Variants in TENM1 observed in about 807,000 individuals in gnomAD.
TENM1 encodes teneurin-1.
A neutral mutation model predicts 174.8 loss-of-function variants in TENM1; 35 were observed. The observed-to-expected ratio is 0.20, with a 90% CI of 0.15 to 0.27. The LOEUF is 0.27. Among genes scored for constraint, TENM1 ranks in the 10% least tolerant of loss-of-function variants. The probability of loss-of-function intolerance (pLI) is 1.00; values close to 1 mark genes in which losing one functional copy is unlikely to be tolerated. For missense variants in TENM1, 1,633 were observed against 2,130.1 expected, an observed-to-expected ratio of 0.77 and a Z score of 4.59; for synonymous variants, 781 against 798.7, an observed-to-expected ratio of 0.98 and a Z score of 0.37.
At chrX:125,024,973 T>C in the TENM1 span, among the ~76,000 whole-genome samples, 1 of 111,371 alleles carries the variant, frequency 9.0e-6, no homozygotes, top group African/African-American at 3.3e-5. Context: ...TATGGTTCAC[T>C]GTTACTTGAA....
chrX:124,993,950 CATCAGCAATAACAGTAACTTCTACTCAA>C, the TENM1 span, among the ~76,000 whole-genome samples: 1 of 110,309 alleles, frequency 9.1e-6, no homozygotes, highest in Admixed American at 9.7e-5. Flanking sequence ...CAGGAGGCAA[CATCAGCAATAACAGTAACTTCTACTCAA>C]ATAGTAAGTG....
chrX:125,053,306 G>A, the TENM1 span, among the ~76,000 whole-genome samples: 1 of 111,333 alleles, frequency 9.0e-6, no homozygotes, highest in Non-Finnish European at 1.9e-5. Flanking sequence ...TGCTTTTCTA[G>A]GTGTATTTGA....
intron 6 of TENM1, among the ~76,000 whole-genome samples, chrX:124,670,743 T>C (rs2051900147): frequency 9.1e-6 from 1 of 109,459 alleles, no homozygotes; most frequent in South Asian, 3.9e-4. Flanking sequence ...AAGGGAAGAG[T>C]AGTAACCCAA....
chrX:124,786,348 TTATA>T lies in TENM1; in HGVS notation c.536-49155_536-49152del, dbSNP rs772712405. Among the ~76,000 whole-genome samples, 21 of 111,720 alleles carry T rather than the reference TTATA, an allele frequency of 1.9e-4. No individual in the cohort carries two copies. The East Asian group carries it at 5.6e-3, about 30-fold the overall frequency. On this transcript the variant is annotated intron_variant, in intron 3 of 31. Coordinates refer to ENST00000422452, the Ensembl canonical transcript of TENM1. ...TATAAATAACTGGTGCTCTGTTAAA[TTATA>T]TTTTGACTACATGATTTAAAATAAA...
intron 23 of TENM1, among the ~76,000 whole-genome samples, chrX:124,451,340 G>A (rs1188018172): frequency 2.7e-5 from 3 of 110,842 alleles, no homozygotes; most frequent in Non-Finnish European, 5.7e-5. Context: ...TCTCAGAGGG[G>A]ATGTTGCTTT....
intron 1 of TENM1, among the ~76,000 whole-genome samples, chrX:124,953,144 G>C (rs1384623219): frequency 8.9e-6 from 1 of 111,903 alleles, no homozygotes; most frequent in Admixed American, 9.5e-5. Context: ...AGGACATGTT[G>C]GCATACCTCA....
At chrX:124,382,766 T>C in exon 31 of TENM1, 1 of 1,204,723 alleles carries the variant, frequency 8.3e-7, no homozygotes, top group Admixed American at 2.2e-5. Context: ...ATCCAGGTAG[T>C]ACATTGTGTA....
rs763370261 is a variant in TENM1, at chrX:124,805,820, T to TA, written c.536-68624dup. Among the ~76,000 whole-genome samples, 9 of 112,960 alleles carry TA rather than the reference T, an allele frequency of 8.0e-5. No individual in the cohort carries two copies. The South Asian group carries it at 2.2e-3, about 27-fold the overall frequency. On this transcript the variant is annotated intron_variant, in intron 3 of 31. Coordinates refer to ENST00000422452, the Ensembl canonical transcript of TENM1. ...GGAGTCTCCGGAAGGGCTTATTATT[T>TA]AAAAGCATTCCCAGGCAAAGCCAAT...
intron 3 of TENM1, among the ~76,000 whole-genome samples, chrX:124,756,949 C>A (rs1176547047): frequency 1.8e-5 from 2 of 112,125 alleles, no homozygotes; most frequent in Non-Finnish European, 3.8e-5. Context: ...GGGTCAGGGA[C>A]CCACTTGAGG....
At chrX:124,940,865 C>G (rs1003341381) in intron 1 of TENM1, among the ~76,000 whole-genome samples, 2 of 111,662 alleles carry the variant, frequency 1.8e-5, no homozygotes, top group East Asian at 2.8e-4. Context: ...TACTACCTCT[C>G]TTTTCTATCA....
chrX:125,139,339 T>A, the TENM1 span, among the ~76,000 whole-genome samples: 1 of 110,436 alleles, frequency 9.1e-6, no homozygotes, highest in Non-Finnish European at 1.9e-5. Context: ...ATCCGTGAAG[T>A]ATAGGGGAAT....
chrX:124,891,103 G>A (rs2057468053), intron 3 of TENM1, among the ~76,000 whole-genome samples: 1 of 110,701 alleles, frequency 9.0e-6, no homozygotes, highest in African/African-American at 3.3e-5. Flanking sequence ...CAAAACAATT[G>A]TACTTACGGA....
rs1427217311 is a variant in TENM1, at chrX:124,754,181, T to C, written c.536-16984A>G. 1.8e-5 allele frequency among the ~76,000 whole-genome samples: 2 copies of C among 111,480 alleles called. 1 individual carries two copies. Among genetic ancestry groups the C allele is most frequent in the Non-Finnish European group, 3.8e-5 (2 of 53,037 alleles). On this transcript the variant is annotated intron_variant, in intron 3 of 31. Transcript: ENST00000422452. ...AATTTCAGAGCCTGTTATTGGTCTA[T>C]TCAGAGATTCAACTTCTTCCTGGTT...
chrX:124,736,016 C>T (rs2053662271), intron 4 of TENM1, among the ~76,000 whole-genome samples: 1 of 110,834 alleles, frequency 9.0e-6, no homozygotes, highest in Admixed American at 9.6e-5. Context: ...CACTAGAAGC[C>T]CAAACCTCAC....
intron 3 of TENM1, among the ~76,000 whole-genome samples, chrX:124,756,184 G>T (rs1208102187): frequency 2.0e-5 from 2 of 100,061 alleles, no homozygotes; most frequent in African/African-American, 8.7e-5. Flanking sequence ...GGCTTTGTTC[G>T]TTTCTTTTTA....
In TENM1 at chrX:124,461,487, T is replaced by C. The variant is rs557041770; in HGVS notation, c.3950-7996A>G. 5.4e-5 allele frequency among the ~76,000 whole-genome samples: 6 copies of C among 111,725 alleles called. No homozygotes were observed. The South Asian group carries it at 1.9e-3, about 35-fold the overall frequency. On this transcript the variant is annotated intron_variant, in intron 22 of 31. Coordinates refer to ENST00000422452, the Ensembl canonical transcript of TENM1. ...AGCACTATTCACAACAGCCAAAATATGGAATCAACTAAGTACCCATCAATA... is the reference window on the plus strand; with the variant it reads ...AGCACTATTCACAACAGCCAAAATACGGAATCAACTAAGTACCCATCAATA...
chrX:124,963,512 T>A (rs2058685644), intron 1 of TENM1, 25 bp downstream of exon 4: 1 of 1,133,191 alleles, frequency 8.8e-7, no homozygotes, highest in African/African-American at 1.8e-5. Context: ...ATAATATTTG[T>A]TATAAAGATC....
chrX:124,924,711 C>T (rs1001857759), intron 1 of TENM1, among the ~76,000 whole-genome samples: 2 of 111,320 alleles, frequency 1.8e-5, no homozygotes, highest in African/African-American at 6.5e-5. Context: ...TTTTGTTTTC[C>T]GGACAGGGAT....
the TENM1 span, among the ~76,000 whole-genome samples, chrX:125,124,466 A>G: frequency 1.3e-3 from 144 of 111,955 alleles, no homozygotes; most frequent in African/African-American, 4.5e-3. Context: ...CCACTGTTTA[A>G]AAAGATAGAT....
Sources: gnomAD v4.1 joint callset for allele counts (sites outside exome capture counted in the v4.1 genomes callset) on GRCh38, gnomAD v4.1.1 for gene constraint, MANE v1.5 for transcripts, NCBI Gene and HGNC (gene_info 2026-07-23, HGNC 2026-07-21) for gene names.